The following MED13L variants were observed in gnomAD, a reference collection of about 807,000 sequenced individuals.
MED13L encodes the protein mediator complex subunit 13L, also known as mediator of RNA polymerase II transcription subunit 13-like.
MED13L carries 7 observed loss-of-function variants against 220.9 expected under a neutral mutation model. That is an observed-to-expected ratio of 0.03 (90% CI 0.02 to 0.06). MED13L has a LOEUF of 0.06. Among genes scored for constraint, MED13L ranks in the 10% least tolerant of loss-of-function variants. The probability of loss-of-function intolerance (pLI) is 1.00; values close to 1 mark genes in which losing one functional copy is unlikely to be tolerated. For missense variants in MED13L, 1,965 were observed against 2,760.5 expected (o/e 0.71, Z 6.46); for synonymous variants, 1,011 against 1,015.2 (o/e 1.00, Z 0.08).
chr12:116,122,062 A>C (rs192724280), intron 2 of MED13L, among the ~76,000 whole-genome samples: 1 of 152,284 alleles, frequency 6.6e-6, no homozygotes, highest in East Asian at 1.9e-4. Flanking sequence ...CTTTGTTTTC[A>C]ATTTCTACCT....
In MED13L at chr12:115,963,638, G is replaced by A. The variant is rs1875928248; in HGVS notation, c.6388-119C>T. Reference sequence around the variant, plus strand: ...AAAGTCCGTAGAAGTCAGGGTTTCTGTGAGTCTACAAATTTTAACCTGCTC... The same window carrying A: ...AAAGTCCGTAGAAGTCAGGGTTTCTATGAGTCTACAAATTTTAACCTGCTC... On this transcript the variant is annotated intron_variant, in intron 29 of 30. Coordinates refer to ENST00000281928, the MANE Select transcript of MED13L (RefSeq NM_015335.5). The A allele has an allele frequency of 7.9e-6, 6 of 758,704 alleles. No homozygotes were observed. The Admixed American group carries it at 1.2e-4, about 15-fold the overall frequency. The allele number at this position is 758,704 out of a possible 1,614,324, so 47.0% of individuals were successfully genotyped here.
intron 2 of MED13L, among the ~76,000 whole-genome samples, chr12:116,163,350 T>A (rs917045668): frequency 6.9e-6 from 1 of 143,994 alleles, no homozygotes; most frequent in African/African-American, 2.6e-5. Flanking sequence ...TTGCACTGTT[T>A]ATAGGTGAAG....
rs898802383 is a variant in MED13L, at chr12:115,982,231, C to T, written c.5175+153G>A. The T allele has an allele frequency of 7.3e-5, 55 of 756,894 alleles. No homozygotes were observed. In the African/African-American group the frequency reaches 8.7e-4, roughly 12 times the overall value. The allele number at this position is 756,894 out of a possible 1,614,324, so 46.9% of individuals were successfully genotyped here. A position where few individuals can be genotyped will look rare whatever the true frequency, so the allele number is the denominator to read the frequency against. ...TATATATATGCAAATATTCCAAAAT[C>T]GGAAATCCAAAACACTCTGGTTCCT... On this transcript the variant is annotated intron_variant, in intron 22 of 30. Transcript: ENST00000281928.
chr12:116,087,310 T>C (rs1486699189), intron 4 of MED13L, among the ~76,000 whole-genome samples: 1 of 152,208 alleles, frequency 6.6e-6, no homozygotes, highest in Non-Finnish European at 1.5e-5. Context: ...TAATAGAATT[T>C]ATGTAATCTT....
intron 2 of MED13L, among the ~76,000 whole-genome samples, chr12:116,182,301 C>T (rs750004375): frequency 1.3e-5 from 2 of 152,186 alleles, no homozygotes; most frequent in Admixed American, 1.3e-4. Context: ...TCAAATCACA[C>T]TTCCCTAAGC....
chr12:116,248,799 T>C (rs1871276995), intron 1 of MED13L, among the ~76,000 whole-genome samples: 1 of 152,226 alleles, frequency 6.6e-6, no homozygotes, highest in African/African-American at 2.4e-5. Context: ...TAGGATAACA[T>C]ACACAGACAA....
At chr12:116,081,801 C>T (rs537550836) in intron 4 of MED13L, among the ~76,000 whole-genome samples, 10 of 152,120 alleles carry the variant, frequency 6.6e-5, no homozygotes, top group Admixed American at 5.2e-4. Context: ...CAGAAAGTTG[C>T]GGCTGCAGTG....
chr12:116,227,789 G>A (rs1412259386), intron 2 of MED13L, among the ~76,000 whole-genome samples: 2 of 152,144 alleles, frequency 1.3e-5, no homozygotes, highest in Non-Finnish European at 2.9e-5. Context: ...AAGTGAAAAG[G>A]AAGAACTGCC....
intron 1 of MED13L, among the ~76,000 whole-genome samples, chr12:116,249,708 G>C (rs1871351058): frequency 8.8e-6 from 1 of 113,344 alleles, no homozygotes; most frequent in Non-Finnish European, 1.8e-5. Flanking sequence ...TTCGCTGTGG[G>C]TTTAACAGCA....
At chr12:116,215,179 T>C (rs1241847342) in intron 2 of MED13L, among the ~76,000 whole-genome samples, 2 of 152,352 alleles carry the variant, frequency 1.3e-5, no homozygotes, top group Admixed American at 6.5e-5. Flanking sequence ...TAACATAATA[T>C]GATCTTTGTG....
chr12:116,127,911 C>T (rs988462531), intron 2 of MED13L, among the ~76,000 whole-genome samples: 7 of 152,160 alleles, frequency 4.6e-5, no homozygotes, highest in African/African-American at 1.4e-4. Flanking sequence ...CTGATCAAAC[C>T]TCTGTCTACC....
intron 2 of MED13L, among the ~76,000 whole-genome samples, chr12:116,172,726 G>A (rs1263073264): frequency 1.3e-5 from 2 of 152,102 alleles, no homozygotes; most frequent in East Asian, 1.9e-4. Context: ...TGGGAATCGC[G>A]ACAGACTCAG....
intron 2 of MED13L, among the ~76,000 whole-genome samples, chr12:116,216,981 G>GA (rs1883037097): frequency 6.6e-6 from 1 of 152,194 alleles, no homozygotes; most frequent in South Asian, 2.1e-4. Flanking sequence ...CCTCAAGGAA[G>GA]AAAAAATTTT....
chr12:116,263,534 C>T (rs1872643508), intron 1 of MED13L, among the ~76,000 whole-genome samples: 2 of 152,140 alleles, frequency 1.3e-5, no homozygotes, highest in South Asian at 2.1e-4. Context: ...TAATCTCCAA[C>T]TGTGGAAGAA....
chr12:116,017,206 G>A (rs1032693502), intron 7 of MED13L, among the ~76,000 whole-genome samples: 1 of 152,160 alleles, frequency 6.6e-6, no homozygotes, highest in African/African-American at 2.4e-5. Context: ...GGAATTTGAA[G>A]ATCCATAGTT....
intron 2 of MED13L, among the ~76,000 whole-genome samples, chr12:116,128,779 A>G (rs911920981): frequency 2.6e-5 from 4 of 152,226 alleles, no homozygotes; most frequent in Non-Finnish European, 4.4e-5. Context: ...ATTAAATTAA[A>G]TTCATATTAC....
rs760370701 is a variant in MED13L, at chr12:115,996,473, T to C, written c.2996+3A>G. On this transcript the variant is annotated splice_donor_region_variant and intron_variant, in intron 16 of 30. Coordinates refer to ENST00000281928, the MANE Select transcript of MED13L (RefSeq NM_015335.5). Reference sequence around the variant, plus strand: ...AAGTAAATGACACAATCCCTATACATACTTGTAGCCATCTCTAATGAAAGT... The same window carrying C: ...AAGTAAATGACACAATCCCTATACACACTTGTAGCCATCTCTAATGAAAGT... 1.2e-6 allele frequency: 2 copies of C among 1,609,840 alleles called. No individual in the cohort carries two copies.
chr12:115,961,527 T>C, intron 30 of MED13L, 129 bp from the exon 31 acceptor site: 3 of 1,274,866 alleles, frequency 2.4e-6, no homozygotes, highest in South Asian at 2.5e-5. Context: ...CCCCAGGCTC[T>C]TTCCCTCATC....
intron 2 of MED13L, among the ~76,000 whole-genome samples, chr12:116,188,130 TA>T (rs11351336): frequency 0.098 from 14,468 of 148,182 alleles, 767 homozygotes; most frequent in East Asian, 0.22. Context: ...AACAAATTAT[TA>T]AAAAAAAAAA....
Sources: gnomAD v4.1 joint callset for allele counts (sites outside exome capture counted in the v4.1 genomes callset) on GRCh38, gnomAD v4.1.1 for gene constraint, MANE v1.5 for transcripts, NCBI Gene and HGNC (gene_info 2026-07-23, HGNC 2026-07-21) for gene names.